Variants in KCNMA1 observed in about 807,000 individuals in gnomAD.
The protein encoded by KCNMA1 is potassium calcium-activated channel subfamily M alpha 1.
In KCNMA1, 29 loss-of-function variants were observed where a neutral mutation model predicts 140.0. That is an observed-to-expected ratio of 0.21 (90% CI 0.15 to 0.28). The LOEUF (loss-of-function observed/expected upper bound fraction) is 0.28. Ranked by LOEUF, KCNMA1 falls within the 10% of genes least tolerant of loss-of-function variation. The pLI is 1.00. For missense variants in KCNMA1, 880 were observed against 1,602.2 expected (o/e 0.55, Z 7.70); for synonymous variants, 612 against 611.9 (o/e 1.00, Z 0.00).
intron 5 of KCNMA1, among the ~76,000 whole-genome samples, chr10:77,122,480 C>T (rs1002019779): frequency 9.2e-5 from 14 of 151,802 alleles, no homozygotes; most frequent in Non-Finnish European, 2.1e-4. Context: ...GACTTAGCAC[C>T]GCTGAAAACC....
At chr10:77,257,043 A>G (rs2060922961) in intron 2 of KCNMA1, among the ~76,000 whole-genome samples, 1 of 152,132 alleles carries the variant, frequency 6.6e-6, no homozygotes, top group South Asian at 2.1e-4. Context: ...TGGGAGGTGG[A>G]AGCTGCAGTT....
chr10:77,168,875 AAGAT>A (rs1449217121), intron 5 of KCNMA1, among the ~76,000 whole-genome samples: 1 of 152,234 alleles, frequency 6.6e-6, no homozygotes, highest in African/African-American at 2.4e-5. Flanking sequence ...TCTAAAAAGA[AAGAT>A]AATAATTTTT....
chr10:77,458,564 T>A (rs2097796985), intron 1 of KCNMA1, among the ~76,000 whole-genome samples: 1 of 152,230 alleles, frequency 6.6e-6, no homozygotes, highest in African/African-American at 2.4e-5. Flanking sequence ...CATTTGAAAA[T>A]ACTGACATTC....
chr10:77,296,825 G>T (rs570083460), intron 2 of KCNMA1, among the ~76,000 whole-genome samples: 1 of 148,838 alleles, frequency 6.7e-6, no homozygotes, highest in African/African-American at 2.4e-5. Context: ...ATGACATGGC[G>T]GTATGAAAAA....
chr10:77,032,001 C>T (rs2093970775), intron 15 of KCNMA1, among the ~76,000 whole-genome samples: 1 of 152,170 alleles, frequency 6.6e-6, no homozygotes, highest in Non-Finnish European at 1.5e-5. Flanking sequence ...AAACAAGCTG[C>T]TTCTTAGCTT....
At chr10:76,917,301 C>T (rs1482385978) in intron 23 of KCNMA1, among the ~76,000 whole-genome samples, 2 of 152,114 alleles carry the variant, frequency 1.3e-5, no homozygotes, top group South Asian at 2.1e-4. Context: ...TCATCAAATG[C>T]TGACTTGAGA....
At chr10:77,598,034 C>T (rs1446793845) in intron 1 of KCNMA1, among the ~76,000 whole-genome samples, 3 of 152,118 alleles carry the variant, frequency 2.0e-5, no homozygotes, top group African/African-American at 4.8e-5. Flanking sequence ...TGCAGTGGCG[C>T]GATCTCGGTT....
At chr10:77,122,750 GT>G (rs2097644044) in intron 5 of KCNMA1, among the ~76,000 whole-genome samples, 1 of 152,132 alleles carries the variant, frequency 6.6e-6, no homozygotes, top group Non-Finnish European at 1.5e-5. Context: ...TGAAGGATCA[GT>G]TCTTAGAGAC....
chr10:77,472,334 C>T (rs1567030324), intron 1 of KCNMA1, among the ~76,000 whole-genome samples: 1 of 149,376 alleles, frequency 6.7e-6, no homozygotes, highest in Non-Finnish European at 1.5e-5. Flanking sequence ...ACTAAACACA[C>T]ATCACATATA....
In KCNMA1 at chr10:77,027,905, G is replaced by C; in HGVS notation, c.1860-14C>G. ...ACAAAACACAGCCTGCAATGAGATG[G>C]AGAAGCCTCCCAATCAGTTCTTCTG... is the stretch of plus-strand genomic sequence containing the variant. On this transcript the variant is annotated splice_polypyrimidine_tract_variant and intron_variant, in intron 15 of 27. Transcript: ENST00000286628. The C allele has an allele frequency of 6.2e-7, 1 of 1,611,048 alleles. No homozygotes were observed. Among genetic ancestry groups the C allele is most frequent in the Admixed American group, 1.7e-5 (1 of 59,992 alleles).
At chr10:77,046,969 T>C (rs533081255) in intron 14 of KCNMA1, among the ~76,000 whole-genome samples, 113 of 152,336 alleles carry the variant, frequency 7.4e-4, no homozygotes, top group African/African-American at 2.6e-3. Context: ...TTCTTCTCTG[T>C]GCCAAACTGC....
At chr10:77,283,813 T>C (rs2069616712) in intron 2 of KCNMA1, among the ~76,000 whole-genome samples, 1 of 152,118 alleles carries the variant, frequency 6.6e-6, no homozygotes, top group South Asian at 2.1e-4. Flanking sequence ...TTCATAATCA[T>C]CCCCAATGAA....
rs543503635 is a variant in KCNMA1 at position 77,625,669 on chromosome 10, G to A, written c.378+11596C>T. Among the ~76,000 whole-genome samples the A allele has an allele frequency of 1.8e-4, 27 of 152,236 alleles. No homozygotes were observed. In the East Asian group the frequency reaches 3.1e-3, roughly 17 times the overall value. On this transcript the variant is annotated intron_variant, in intron 1 of 27. Coordinates refer to ENST00000286628, the MANE Select transcript of KCNMA1 (RefSeq NM_001161352.2). ...TCGATGTTCATCTATGTGGTAGCAC[G>A]TGTCAGACTTGCCTTCCTTTTTAAA...
chr10:77,324,940 ACT>A (rs3068755), intron 2 of KCNMA1, among the ~76,000 whole-genome samples: 2,618 of 93,366 alleles, frequency 0.028, 63 homozygotes, highest in Admixed American at 0.065. Context: ...ATAGCTCTAG[ACT>A]CTCTCTCTCT....
chr10:77,413,681 G>A (rs12217851), intron 1 of KCNMA1, among the ~76,000 whole-genome samples: 22,386 of 152,080 alleles, frequency 0.15, 1,668 homozygotes, highest in Middle Eastern at 0.22. Context: ...CTGCCCCTGG[G>A]AAGTTGCATA....
intron 1 of KCNMA1, among the ~76,000 whole-genome samples, chr10:77,479,255 C>T (rs1000200980): frequency 6.6e-6 from 1 of 152,184 alleles, no homozygotes; most frequent in African/African-American, 2.4e-5. Flanking sequence ...CATAAAGAAG[C>T]TGATGAAACA....
Position 77,005,877 on chromosome 10 carries a change from G to C in KCNMA1, c.2093-4297C>G, listed in dbSNP as rs367593013. 2.4e-4 allele frequency among the ~76,000 whole-genome samples: 36 copies of C among 152,266 alleles called. 1 individual carries two copies. The highest frequency in any genetic ancestry group is 7.9e-4 in the African/African-American group (33 of 41,550). The stretch of plus-strand genomic sequence containing the variant: ...ACTCTTGAGTGTTTAAAACAAAAAG[G>C]CTTCTCAGAAGTGTTCTTGGACAAC... On this transcript the variant is annotated intron_variant, in intron 18 of 27. Coordinates refer to ENST00000286628, the MANE Select transcript of KCNMA1 (RefSeq NM_001161352.2).
chr10:76,998,097 A>G (rs1303835963), intron 19 of KCNMA1, among the ~76,000 whole-genome samples: 2 of 152,308 alleles, frequency 1.3e-5, no homozygotes, highest in South Asian at 4.1e-4. Flanking sequence ...GAAGACAACT[A>G]TCATAATAGC....
intron 2 of KCNMA1, among the ~76,000 whole-genome samples, chr10:77,358,762 T>C (rs777117847): frequency 1.4e-4 from 21 of 152,220 alleles, no homozygotes; most frequent in Admixed American, 7.9e-4. Context: ...TCTACCATGA[T>C]ATTACTTACA....
Sources: gnomAD v4.1 joint callset for allele counts (sites outside exome capture counted in the v4.1 genomes callset) on GRCh38, gnomAD v4.1.1 for gene constraint, MANE v1.5 for transcripts, NCBI Gene and HGNC (gene_info 2026-07-23, HGNC 2026-07-21) for gene names.